Variants in CEP112 observed in about 807,000 individuals in gnomAD.
CEP112 encodes the protein centrosomal protein 112, also known as centrosomal protein of 112 kDa.
Under a neutral mutation model 153.0 loss-of-function variants are expected in CEP112, and 127 were observed. The ratio of observed to expected loss-of-function variants is 0.83; its 90% CI spans 0.72 to 0.96. The LOEUF is 0.96. Among genes scored for constraint, CEP112 ranks in the 40% least tolerant of loss-of-function variants. The pLI is 0.00. For synonymous variants in CEP112, 358 were observed against 374.4 expected (o/e 0.96, Z 0.51); for missense variants, 1,089 against 1,101.2 (o/e 0.99, Z 0.16).
At chr17:65,760,082 T>G (rs1291180557) in intron 21 of CEP112, among the ~76,000 whole-genome samples, 1 of 152,168 alleles carries the variant, frequency 6.6e-6, no homozygotes, top group Non-Finnish European at 1.5e-5. Flanking sequence ...CTGGTATAAA[T>G]GAAAGCAGTT....
chr17:66,036,190 A>G (rs1443290), intron 12 of CEP112, among the ~76,000 whole-genome samples: 140,992 of 152,226 alleles, frequency 0.93, 65,531 homozygotes, highest in East Asian at 0.97. Context: ...AAGTAGAGTG[A>G]TGATTGCCAG....
chr17:65,959,449 CT>C (rs1599148839), intron 18 of CEP112, among the ~76,000 whole-genome samples: 1 of 152,352 alleles, frequency 6.6e-6, no homozygotes, highest in East Asian at 1.9e-4. Context: ...AACTCAGGAC[CT>C]GTCGAATGGC....
intron 8 of CEP112, among the ~76,000 whole-genome samples, chr17:66,093,708 T>G (rs2068230515): frequency 6.6e-6 from 1 of 152,160 alleles, no homozygotes; most frequent in Non-Finnish European, 1.5e-5. Context: ...ATATCTCATG[T>G]TCATGAACTG....
chr17:65,771,818 G>A (rs373451373), intron 21 of CEP112, among the ~76,000 whole-genome samples: 1 of 152,102 alleles, frequency 6.6e-6, no homozygotes, highest in African/African-American at 2.4e-5. Flanking sequence ...AGTTCAAGAT[G>A]AGCCTGGGCA....
At chr17:66,183,561 A>G (rs2072804354) in intron 1 of CEP112, among the ~76,000 whole-genome samples, 3 of 152,174 alleles carry the variant, frequency 2.0e-5, no homozygotes, top group African/African-American at 7.2e-5. Context: ...TGGAGAACTC[A>G]CATTACCAGA....
intron 19 of CEP112, among the ~76,000 whole-genome samples, chr17:65,920,857 AC>A (rs1366864842): frequency 6.6e-6 from 1 of 151,950 alleles, no homozygotes; most frequent in Admixed American, 6.6e-5. Context: ...TCTTCCTTCT[AC>A]TTTTGCAACT....
intron 3 of CEP112, among the ~76,000 whole-genome samples, chr17:66,176,038 T>C (rs1230377359): frequency 6.6e-6 from 1 of 152,228 alleles, no homozygotes; most frequent in Non-Finnish European, 1.5e-5. Context: ...GACATAGTCA[T>C]TAAAACTTTT....
intron 21 of CEP112, among the ~76,000 whole-genome samples, chr17:65,764,171 A>G (rs950605811): frequency 1.3e-5 from 2 of 152,030 alleles, no homozygotes; most frequent in East Asian, 3.9e-4. Flanking sequence ...CTTCCCCCAG[A>G]TTGGTTAGGC....
chr17:66,061,365 T>C (rs1266544799), intron 11 of CEP112, among the ~76,000 whole-genome samples: 2 of 152,190 alleles, frequency 1.3e-5, no homozygotes, highest in South Asian at 2.1e-4. Flanking sequence ...TAGGGAAAAC[T>C]GTGTGGTTCC....
At chr17:66,115,796 A>G (rs1381594913) in intron 6 of CEP112, among the ~76,000 whole-genome samples, 2 of 152,198 alleles carry the variant, frequency 1.3e-5, no homozygotes, top group African/African-American at 2.4e-5. Flanking sequence ...GCACCCAATT[A>G]AAGCCTTCTT....
chr17:65,917,248 T>C (rs1244190824), intron 19 of CEP112, among the ~76,000 whole-genome samples: 4 of 152,154 alleles, frequency 2.6e-5, no homozygotes, highest in African/African-American at 9.7e-5. Context: ...GGCTGATATG[T>C]AGCTGGGGTT....
At chr17:65,890,370 C>T (rs564741978) in intron 20 of CEP112, among the ~76,000 whole-genome samples, 2 of 152,166 alleles carry the variant, frequency 1.3e-5, no homozygotes, top group African/African-American at 4.8e-5. Flanking sequence ...GTTTAGAATG[C>T]TTTTTCCATT....
chr17:65,968,908 G>A (rs753248736), intron 17 of CEP112, among the ~76,000 whole-genome samples: 67 of 151,996 alleles, frequency 4.4e-4, no homozygotes, highest in Middle Eastern at 3.4e-3. Flanking sequence ...AGTACTTATC[G>A]TAATTTATCC....
chr17:65,638,386 T>C (rs1364738181), intron 25 of CEP112, among the ~76,000 whole-genome samples: 1 of 152,240 alleles, frequency 6.6e-6, no homozygotes, highest in Non-Finnish European at 1.5e-5. Flanking sequence ...TTGTTTATTC[T>C]TACGTCTTTG....
intron 24 of CEP112, among the ~76,000 whole-genome samples, chr17:65,642,965 C>T (rs2045225855): frequency 6.6e-6 from 1 of 152,194 alleles, no homozygotes; most frequent in Admixed American, 6.5e-5. Flanking sequence ...CATCCCACCC[C>T]ACAGTAAAAA....
At chr17:66,091,050 T>C (rs1263368120) in intron 8 of CEP112, among the ~76,000 whole-genome samples, 1 of 151,958 alleles carries the variant, frequency 6.6e-6, no homozygotes. Context: ...TATTCATAGA[T>C]ATAAAAGGAG....
chr17:66,077,659 C>T (rs997138769), intron 8 of CEP112, among the ~76,000 whole-genome samples: 1 of 152,170 alleles, frequency 6.6e-6, no homozygotes, highest in African/African-American at 2.4e-5. Context: ...TTGAGGAAAA[C>T]TTCCCTGGCC....
intron 17 of CEP112, among the ~76,000 whole-genome samples, chr17:65,995,945 C>A (rs1416790652): frequency 6.6e-6 from 1 of 152,194 alleles, no homozygotes; most frequent in South Asian, 2.1e-4. Context: ...TCGCTTTCCA[C>A]CATGATTGTG....
chr17:65,979,616 C>A (rs1270290214), intron 17 of CEP112, among the ~76,000 whole-genome samples: 1 of 152,048 alleles, frequency 6.6e-6, no homozygotes, highest in Non-Finnish European at 1.5e-5. Flanking sequence ...AAACTGAATA[C>A]CTTAAATGTG....
Sources: gnomAD v4.1 joint callset for allele counts (sites outside exome capture counted in the v4.1 genomes callset) on GRCh38, gnomAD v4.1.1 for gene constraint, MANE v1.5 for transcripts, NCBI Gene and HGNC (gene_info 2026-07-23, HGNC 2026-07-21) for gene names.